EXOC4: variants seen among roughly 807,000 people sequenced by gnomAD.
EXOC4 encodes the protein exocyst complex component 4.
A neutral mutation model predicts 107.2 loss-of-function variants in EXOC4; 71 were observed. That is an observed-to-expected ratio of 0.66 (90% CI 0.55 to 0.81). The LOEUF is 0.81. EXOC4 is among the 30% of genes least tolerant of loss of function. EXOC4 has a pLI of 0.00. For missense variants in EXOC4, 1,108 were observed against 1,189.6 expected (o/e 0.93, Z 1.01); for synonymous variants, 456 against 441.2 (o/e 1.03, Z -0.42).
chr7:133,500,642 A>G (rs1474368444), intron 9 of EXOC4, among the ~76,000 whole-genome samples: 1 of 152,194 alleles, frequency 6.6e-6, no homozygotes, highest in Admixed American at 6.6e-5. Context: ...TCCCTGAGGA[A>G]CACATACGAG....
At position 133,835,072 on chromosome 7, in the gene EXOC4, T is replaced by A. The variant is rs1797890186; in HGVS notation, c.1734+17528T>A. Among the ~76,000 whole-genome samples the A allele has an allele frequency of 2.6e-5, 4 of 152,228 alleles. 1 individual carries two copies. The South Asian group carries it at 8.3e-4, about 31-fold the overall frequency. On this transcript the variant is annotated intron_variant, in intron 11 of 17. Coordinates refer to ENST00000253861, the MANE Select transcript of EXOC4 (RefSeq NM_021807.4). ...CATGATTGTGAGGCCTCCCCAGCCATGTGGAACTGTAAATCCATTAAACCT... is the reference window on the plus strand; with the variant it reads ...CATGATTGTGAGGCCTCCCCAGCCAAGTGGAACTGTAAATCCATTAAACCT...
chr7:134,099,624 G>A, the EXOC4 span, among the ~76,000 whole-genome samples: 11 of 150,522 alleles, frequency 7.3e-5, no homozygotes, highest in African/African-American at 2.7e-4. Flanking sequence ...CCGCCCCCCG[G>A]GGTTCATGCC....
intron 7 of EXOC4, among the ~76,000 whole-genome samples, chr7:133,427,722 T>A (rs1480982317): frequency 6.6e-6 from 1 of 152,190 alleles, no homozygotes; most frequent in African/African-American, 2.4e-5. Flanking sequence ...CTCCATCAAT[T>A]GCCGTGGTAG....
At chr7:133,736,540 A>C (rs770960151) in intron 10 of EXOC4, among the ~76,000 whole-genome samples, 2 of 152,188 alleles carry the variant, frequency 1.3e-5, no homozygotes, top group Non-Finnish European at 2.9e-5. Flanking sequence ...AGGTTACATC[A>C]ACAGATTTCC....
intron 7 of EXOC4, among the ~76,000 whole-genome samples, chr7:133,383,899 G>A (rs1231776738): frequency 1.3e-5 from 2 of 152,156 alleles, no homozygotes; most frequent in East Asian, 1.9e-4. Context: ...CCACAAAAGT[G>A]CTTGCTCCTA....
At chr7:133,720,103 T>C (rs1251626467) in intron 10 of EXOC4, among the ~76,000 whole-genome samples, 1 of 152,180 alleles carries the variant, frequency 6.6e-6, no homozygotes, top group Non-Finnish European at 1.5e-5. Context: ...CCTATCTCGT[T>C]AACTAGAATA....
intron 17 of EXOC4, among the ~76,000 whole-genome samples, chr7:134,014,678 A>G (rs1047496009): frequency 6.6e-6 from 1 of 152,148 alleles, no homozygotes; most frequent in Admixed American, 6.5e-5. Flanking sequence ...ATGAAAATGC[A>G]CTAAACTAGA....
chr7:133,432,811 T>C (rs969034511), intron 7 of EXOC4, among the ~76,000 whole-genome samples: 9 of 152,224 alleles, frequency 5.9e-5, no homozygotes, highest in African/African-American at 2.2e-4. Flanking sequence ...GTAATTCTGC[T>C]GTCTAGCAGG....
rs115747833 is a variant in EXOC4 at position 133,783,407 on chromosome 7, A to G, written c.1515-33918A>G. On this transcript the variant is annotated intron_variant, in intron 10 of 17. Coordinates refer to ENST00000253861, the MANE Select transcript of EXOC4 (RefSeq NM_021807.4). ...TGATGCTTACATATGAAGCACTGCT[A>G]TGTGTGACATCATGATATCAAGTCA... 2.4e-3 allele frequency among the ~76,000 whole-genome samples: 362 copies of G among 152,298 alleles called. 5 individuals carry two copies. Among genetic ancestry groups the G allele is most frequent in the African/African-American group, 8.1e-3 (338 of 41,572 alleles).
At chr7:133,960,847 C>G (rs1800926306) in intron 14 of EXOC4, among the ~76,000 whole-genome samples, 1 of 152,182 alleles carries the variant, frequency 6.6e-6, no homozygotes, top group Non-Finnish European at 1.5e-5. Context: ...ATGACAAGCA[C>G]TGCCATTTAT....
In EXOC4 at chr7:133,626,841, C is replaced by T. The variant is rs190535009; in HGVS notation, c.1418-3204C>T. On this transcript the variant is annotated intron_variant, in intron 9 of 17. Transcript: ENST00000253861. ...TCTCTGTAATATGGTCATCAACAAA[C>T]GTTTATTAAGCACACCTACTCCCTA... 4.3e-4 allele frequency among the ~76,000 whole-genome samples: 66 copies of T among 152,230 alleles called. No individual in the cohort carries two copies. In the East Asian group the frequency reaches 7.1e-3, roughly 16 times the overall value.
chr7:133,397,162 C>T (rs941287970), intron 7 of EXOC4, among the ~76,000 whole-genome samples: 10 of 147,216 alleles, frequency 6.8e-5, no homozygotes, highest in Admixed American at 2.7e-4. Flanking sequence ...GAATTTCGCT[C>T]TTGTTGCCCA....
intron 3 of EXOC4, among the ~76,000 whole-genome samples, chr7:133,300,812 C>A (rs991637407): frequency 6.6e-6 from 1 of 152,094 alleles, no homozygotes. Context: ...TAGGAAATAA[C>A]CAATATTTGA....
chr7:134,047,248 GT>G (rs1011168898), intron 17 of EXOC4, among the ~76,000 whole-genome samples: 1 of 152,070 alleles, frequency 6.6e-6, no homozygotes, highest in African/African-American at 2.4e-5. Context: ...TTTCTGAGAG[GT>G]TTTTTCAAAT....
rs1799531674 is a variant in EXOC4, at chr7:133,499,144, CA to C, written c.1417+19008del. On this transcript the variant is annotated intron_variant, in intron 9 of 17. Coordinates refer to ENST00000253861, the MANE Select transcript of EXOC4 (RefSeq NM_021807.4). Reference sequence around the variant, plus strand: ...AAAAAAAAATTACCCCAGACCAGGTCAACTTCCTTCTTTGTAGCACATGGCA... The same window carrying C: ...AAAAAAAAATTACCCCAGACCAGGTCACTTCCTTCTTTGTAGCACATGGCA... Among the ~76,000 whole-genome samples, 3 of 148,602 alleles carry C rather than the reference CA, an allele frequency of 2.0e-5. No homozygotes were observed. In the South Asian group the frequency reaches 6.4e-4, roughly 32 times the overall value.
At chr7:133,476,575 G>C (rs1360091374) in intron 8 of EXOC4, among the ~76,000 whole-genome samples, 1 of 152,084 alleles carries the variant, frequency 6.6e-6, no homozygotes, top group South Asian at 2.1e-4. Context: ...AATAATTAAA[G>C]CTTCAACAGT....
chr7:133,779,909 G>A (rs1048701432), intron 10 of EXOC4, among the ~76,000 whole-genome samples: 2 of 152,180 alleles, frequency 1.3e-5, no homozygotes, highest in Non-Finnish European at 2.9e-5. Flanking sequence ...AGGGAATGCT[G>A]CTTCTCACTC....
At chr7:134,026,349 T>G (rs1012860749) in intron 17 of EXOC4, among the ~76,000 whole-genome samples, 2 of 151,724 alleles carry the variant, frequency 1.3e-5, no homozygotes, top group Non-Finnish European at 2.9e-5. Flanking sequence ...GAAGGACTCT[T>G]GATGGGCTCT....
intron 7 of EXOC4, among the ~76,000 whole-genome samples, chr7:133,441,673 A>G (rs1463249342): frequency 6.6e-6 from 1 of 152,140 alleles, no homozygotes; most frequent in Non-Finnish European, 1.5e-5. Flanking sequence ...GATTACAGGC[A>G]TGAGCCAATG....
Sources: allele counts gnomAD v4.1 joint callset (sites outside exome capture counted in the v4.1 genomes callset), GRCh38; gene constraint gnomAD v4.1.1; transcripts MANE v1.5; gene names NCBI Gene and HGNC (gene_info 2026-07-23, HGNC 2026-07-21).